SBF2: variants seen among roughly 807,000 people sequenced by gnomAD.
The protein encoded by SBF2 is myotubularin-related protein 13.
SBF2 carries 112 observed loss-of-function variants against 225.2 expected under a neutral mutation model. The observed-to-expected ratio is 0.50, with a 90% CI of 0.43 to 0.58. SBF2 has a LOEUF of 0.58. SBF2 is among the 20% of genes least tolerant of loss of function. SBF2 has a pLI of 0.00. For synonymous variants in SBF2, 763 were observed against 773.3 expected (o/e 0.99, Z 0.22); for missense variants, 1,996 against 2,206.2 (o/e 0.90, Z 1.91).
rs1340181611 is a variant in SBF2, at chr11:9,877,403, T to G, written c.1929+18540A>C. Among the ~76,000 whole-genome samples the G allele has an allele frequency of 5.3e-5, 8 of 152,366 alleles. No individual in the cohort carries two copies. In the East Asian group the frequency reaches 1.5e-3, roughly 29 times the overall value. On this transcript the variant is annotated intron_variant, in intron 17 of 39. Transcript: ENST00000256190. ...AATCATTAATTAAACCTAAATAATT[T>G]TTTAAAATTATACTTTAAGTTCTAG...
intron 16 of SBF2, among the ~76,000 whole-genome samples, chr11:9,921,174 G>A (rs1290247706): frequency 2.0e-5 from 3 of 148,934 alleles, no homozygotes; most frequent in Non-Finnish European, 3.0e-5. Flanking sequence ...GGGTTCAAGC[G>A]ATTCTCCTGC....
intron 33 of SBF2, chr11:9,790,913 A>G: frequency 2.4e-6 from 1 of 416,302 alleles, no homozygotes; most frequent in South Asian, 2.4e-5. Context: ...AGTTTGCCTA[A>G]GCAGCCAGCA....
At chr11:9,908,615 A>AGACTCC (rs1461934766) in intron 16 of SBF2, among the ~76,000 whole-genome samples, 1 of 152,158 alleles carries the variant, frequency 6.6e-6, no homozygotes, top group Admixed American at 6.5e-5. Flanking sequence ...CGACAGAGCG[A>AGACTCC]GACTCCGTCT....
In SBF2 at chr11:9,880,267, T is replaced by C. The variant is rs184298589; in HGVS notation, c.1929+15676A>G. 2.0e-5 allele frequency among the ~76,000 whole-genome samples: 3 copies of C among 152,286 alleles called. No individual in the cohort carries two copies. In the East Asian group the frequency reaches 5.8e-4, roughly 29 times the overall value. ...GTTATTAACTATATCTGGCTGAGTA[T>C]GTGTTTTGTTTTGGCTGTCTAGGAT... On this transcript the variant is annotated intron_variant, in intron 17 of 39. Transcript: ENST00000256190.
intron 1 of SBF2, among the ~76,000 whole-genome samples, chr11:10,221,148 C>T (rs1259832153): frequency 4.0e-5 from 6 of 148,538 alleles, no homozygotes; most frequent in African/African-American, 1.2e-4. Flanking sequence ...AATTGAGACT[C>T]GCTCTGTTGC....
intron 29 of SBF2, among the ~76,000 whole-genome samples, chr11:9,814,598 G>C (rs776206082): frequency 8.5e-5 from 13 of 152,246 alleles, no homozygotes; most frequent in Non-Finnish European, 1.8e-4. Flanking sequence ...CAACAACATG[G>C]GATGAATAGT....
At chr11:10,179,770 C>A (rs1956654011) in intron 2 of SBF2, among the ~76,000 whole-genome samples, 1 of 152,102 alleles carries the variant, frequency 6.6e-6, no homozygotes, top group Non-Finnish European at 1.5e-5. Context: ...GCAGTCTTCT[C>A]TTCCTTGTTT....
intron 16 of SBF2, among the ~76,000 whole-genome samples, chr11:9,947,871 A>G (rs1293251401): frequency 1.3e-5 from 2 of 152,262 alleles, no homozygotes; most frequent in Admixed American, 1.3e-4. Context: ...GCAAGACAGT[A>G]TAACAGTTCC....
chr11:9,906,796 A>G lies in SBF2; in HGVS notation c.1861-10785T>C, dbSNP rs1862155422. Among the ~76,000 whole-genome samples the G allele has an allele frequency of 1.3e-5, 2 of 152,214 alleles. 1 individual carries two copies. The highest frequency in any genetic ancestry group is 4.1e-4 in the South Asian group (2 of 4,834). On this transcript the variant is annotated intron_variant, in intron 16 of 39. Coordinates refer to ENST00000256190, the MANE Select transcript of SBF2 (RefSeq NM_030962.4). Reference sequence around the variant, plus strand: ...TTTATAAACTTGCAAGGTCTTGAATACTGATACATGTTTTATTCTGAACTT... The same window carrying G: ...TTTATAAACTTGCAAGGTCTTGAATGCTGATACATGTTTTATTCTGAACTT...
intron 2 of SBF2, among the ~76,000 whole-genome samples, chr11:10,170,992 A>T (rs888220297): frequency 1.3e-5 from 2 of 152,094 alleles, no homozygotes; most frequent in African/African-American, 4.8e-5. Context: ...CTAACTTTGT[A>T]TCCTGCAGAT....
chr11:9,821,378 A>G (rs1370694235), intron 28 of SBF2, among the ~76,000 whole-genome samples: 1 of 152,234 alleles, frequency 6.6e-6, no homozygotes, highest in African/African-American at 2.4e-5. Flanking sequence ...TCCCCCAAAC[A>G]GAGGCTCATC....
intron 2 of SBF2, among the ~76,000 whole-genome samples, chr11:10,143,374 G>A (rs958319676): frequency 5.5e-4 from 84 of 152,200 alleles, no homozygotes; most frequent in African/African-American, 2.0e-3. Context: ...GTTTCACCAT[G>A]TTGGTCAGGC....
chr11:10,262,355 T>C (rs1178448856), intron 1 of SBF2, among the ~76,000 whole-genome samples: 3 of 152,192 alleles, frequency 2.0e-5, no homozygotes, highest in Non-Finnish European at 4.4e-5. Context: ...TTGAAATTTT[T>C]CATAATCAAA....
intron 19 of SBF2, among the ~76,000 whole-genome samples, chr11:9,854,253 T>C (rs193056010): frequency 1.3e-5 from 2 of 152,352 alleles, no homozygotes; most frequent in Admixed American, 6.5e-5. Context: ...TATCACTCTC[T>C]GAGTTAACTG....
At chr11:10,094,499 A>G (rs10770088) in intron 2 of SBF2, among the ~76,000 whole-genome samples, 4 of 147,690 alleles carry the variant, frequency 2.7e-5, no homozygotes, top group African/African-American at 7.4e-5. Flanking sequence ...AGTCAAAAAA[A>G]TTATTTTCCC....
intron 1 of SBF2, among the ~76,000 whole-genome samples, chr11:10,232,245 T>C (rs1006457855): frequency 6.6e-6 from 1 of 152,336 alleles, no homozygotes; most frequent in African/African-American, 2.4e-5. Flanking sequence ...TCCCGACCCC[T>C]TGTACTTCCC....
chr11:9,785,211 C>T lies in SBF2; in HGVS notation c.5145G>A (p.Gln1715=), dbSNP rs777353842. The stretch of plus-strand genomic sequence containing the variant: ...CATTGGATGGGGAGATGCTGGAATT[C>T]TGTTCCTCCCCCATGCTGCTGTCTG... ...HLPDSSMGEE[Q]NSSISPSNGV... Residue 1715 remains glutamine (Q), a synonymous_variant, in exon 37 of 40, where the codon CAG becomes CAA. Coordinates refer to ENST00000256190, the MANE Select transcript of SBF2 (RefSeq NM_030962.4). 7 of 1,614,060 alleles carry T rather than the reference C, an allele frequency of 4.3e-6. No homozygotes were observed. Among genetic ancestry groups the T allele is most frequent in the Non-Finnish European group, 5.9e-6 (7 of 1,180,036 alleles).
At chr11:9,959,326 A>C in intron 16 of SBF2, 3 of 776,276 alleles carry the variant, frequency 3.9e-6, no homozygotes, top group Non-Finnish European at 7.2e-6. Flanking sequence ...ACTACAGTTA[A>C]GATGGACCCT....
intron 2 of SBF2, among the ~76,000 whole-genome samples, chr11:10,053,288 A>G (rs1203016991): frequency 6.6e-6 from 1 of 152,050 alleles, no homozygotes; most frequent in African/African-American, 2.4e-5. Context: ...ATGTCTTTTT[A>G]TTTTCTCAGG....
Sources: gnomAD v4.1 joint callset for allele counts (sites outside exome capture counted in the v4.1 genomes callset) on GRCh38, gnomAD v4.1.1 for gene constraint, MANE v1.5 for transcripts, NCBI Gene and HGNC (gene_info 2026-07-23, HGNC 2026-07-21) for gene names.